The following RPL32 variants were observed in gnomAD, a reference collection of about 807,000 sequenced individuals.
The protein encoded by RPL32 is large ribosomal subunit protein eL32.
For missense variants in RPL32, 117 were observed against 173.7 expected, an observed-to-expected ratio of 0.67 and a Z score of 1.83; for synonymous variants, 61 against 62.6, an observed-to-expected ratio of 0.98 and a Z score of 0.12.
rs1164381914 is a variant in RPL32 at position 12,836,086 on chromosome 3, T to G, written c.*8A>C. 2 of 1,611,082 alleles carry G rather than the reference T, an allele frequency of 1.2e-6. No homozygotes were observed. Among genetic ancestry groups the G allele is most frequent in the South Asian group, 1.1e-5 (1 of 91,034 alleles). Reference sequence around the variant, plus strand: ...TTTATTTAAACAGAAAACGTGCACATGAGCTGCCTACTCATTTTCTTCACT... The same window carrying G: ...TTTATTTAAACAGAAAACGTGCACAGGAGCTGCCTACTCATTTTCTTCACT... On this transcript the variant is annotated 3_prime_UTR_variant, in exon 4 of 4. Transcript: ENST00000429711.
chr3:12,840,720 G>A (rs115933783), intron 1 of RPL32: 5,853 of 337,854 alleles, frequency 0.017, 190 homozygotes, highest in African/African-American at 0.088. Flanking sequence ...TAATTCCCTA[G>A]GGAGCTGCTG....
At chr3:12,838,100 C>A (rs2062113419) in intron 3 of RPL32, among the ~76,000 whole-genome samples, 1 of 152,176 alleles carries the variant, frequency 6.6e-6, no homozygotes, top group African/African-American at 2.4e-5. Context: ...CAACACAGAG[C>A]CTGTCTATCT....
chr3:12,839,551 G>A (rs764203795), intron 2 of RPL32, 21 bp from the exon 3 acceptor site: 10 of 1,612,354 alleles, frequency 6.2e-6, no homozygotes, highest in Non-Finnish European at 7.6e-6. Flanking sequence ...TAATACACAG[G>A]TGGGTTAGCG....
chr3:12,840,975 G>A (rs62240719), intron 1 of RPL32: 5,301 of 155,828 alleles, frequency 0.034, 264 homozygotes, highest in Admixed American at 0.14. Context: ...CAAGGTGGGG[G>A]CAGTTGCATC....
In RPL32 at chr3:12,839,335, G is replaced by A. The variant is rs201215862; in HGVS notation, c.278+14C>T. 5 of 1,613,224 alleles carry A rather than the reference G, an allele frequency of 3.1e-6. No homozygotes were observed. In the East Asian group the frequency reaches 1.1e-4, roughly 36 times the overall value. On this transcript the variant is annotated intron_variant, in intron 3 of 3. Coordinates refer to ENST00000429711, the MANE Select transcript of RPL32 (RefSeq NM_000994.4). ...CTTCTGATCACTGAAAACTAGAGGT[G>A]GGACCCAACTCACTTGTTGCACATC...
intron 2 of RPL32, among the ~76,000 whole-genome samples, chr3:12,839,868 G>C (rs1214632816): frequency 2.6e-5 from 4 of 152,196 alleles, no homozygotes; most frequent in Non-Finnish European, 5.9e-5. Context: ...TAGGGATCCT[G>C]CTGTCACAAG....
intron 3 of RPL32, among the ~76,000 whole-genome samples, chr3:12,837,287 CTCATT>C (rs2062107418): frequency 6.6e-6 from 1 of 151,812 alleles, no homozygotes; most frequent in Admixed American, 6.5e-5. Context: ...CTACAATTCT[CTCATT>C]ATATTTTCAG....
At chr3:12,839,701 G>A (rs1470088825) in intron 2 of RPL32, 171 bp from the exon 3 acceptor site, 7 of 708,214 alleles carry the variant, frequency 9.9e-6, no homozygotes, top group African/African-American at 1.8e-5. Flanking sequence ...CCAGGAGCTC[G>A]TGGCTTTAGC....
chr3:12,836,339 CTG>C, intron 3 of RPL32, 116 bp from the exon 4 acceptor site: 1 of 1,265,486 alleles, frequency 7.9e-7, no homozygotes, highest in Admixed American at 1.9e-5. Context: ...TGGTAAGTGG[CTG>C]TGGAATGACA....
At chr3:12,836,302 C>T in intron 3 of RPL32, 79 bp from the exon 4 acceptor site, 1 of 1,561,108 alleles carries the variant, frequency 6.4e-7, no homozygotes, top group African/African-American at 1.4e-5. Flanking sequence ...GCAATGAGTC[C>T]CAGCACCAAG....
chr3:12,835,929 T>A lies in RPL32; in HGVS notation c.*165A>T, dbSNP rs1045287563. 1 of 791,538 alleles carries A rather than the reference T, an allele frequency of 1.3e-6. No homozygotes were observed. Among genetic ancestry groups the A allele is most frequent in the Non-Finnish European group, 2.0e-6 (1 of 505,454 alleles). The allele number at this position is 791,538 out of a possible 1,614,324, so 49.0% of individuals were successfully genotyped here. Reference sequence around the variant, plus strand: ...CCCCTGTTCAAGGACTGAGTGTCCTTTACAAATCCCCTCCAAATGGGAGAT... The same window carrying A: ...CCCCTGTTCAAGGACTGAGTGTCCTATACAAATCCCCTCCAAATGGGAGAT... On this transcript the variant is annotated 3_prime_UTR_variant, in exon 4 of 4. Transcript: ENST00000429711.
intron 2 of RPL32, 133 bp downstream of exon 2, chr3:12,840,009 G>A: frequency 1.3e-6 from 1 of 768,424 alleles, no homozygotes; most frequent in Admixed American, 1.9e-5. Context: ...CACTGGGGGA[G>A]ACCTGTATTT....
chr3:12,837,287 C>T (rs1376715283), intron 3 of RPL32, among the ~76,000 whole-genome samples: 1 of 151,812 alleles, frequency 6.6e-6, no homozygotes, highest in Non-Finnish European at 1.5e-5. Flanking sequence ...CTACAATTCT[C>T]TCATTATATT....
rs563164092 is a variant in RPL32 at position 12,836,289 on chromosome 3, G to A, written c.279-66C>T. On this transcript the variant is annotated intron_variant, in intron 3 of 3. Coordinates refer to ENST00000429711, the MANE Select transcript of RPL32 (RefSeq NM_000994.4). Reference sequence around the variant, plus strand: ...AACACACTTGGAAAATTCCATTGGAGAGGCAATGAGTCCCAGCACCAAGCT... The same window carrying A: ...AACACACTTGGAAAATTCCATTGGAAAGGCAATGAGTCCCAGCACCAAGCT... 3 of 1,586,032 alleles carry A rather than the reference G, an allele frequency of 1.9e-6. No individual in the cohort carries two copies. In the African/African-American group the frequency reaches 4.0e-5, roughly 21 times the overall value.
intron 3 of RPL32, 104 bp downstream of exon 3, chr3:12,839,245 C>G (rs1314085934): frequency 2.0e-6 from 2 of 1,022,832 alleles, no homozygotes; most frequent in African/African-American, 1.6e-5. Context: ...TGTACAACAC[C>G]CCCCGCCAAA....
rs997674304 is a variant in RPL32, at chr3:12,839,296, C to A, written c.278+53G>T. The A allele has an allele frequency of 3.2e-5, 50 of 1,550,314 alleles. No homozygotes were observed. The Admixed American group carries it at 4.4e-4, about 13-fold the overall frequency. On this transcript the variant is annotated intron_variant, in intron 3 of 3. Transcript: ENST00000429711. Reference sequence around the variant, plus strand: ...TTGTAGAGTTCCTGCCAGAAGTGCTCACACAGATGCAAACTTCTGATCACT... The same window carrying A: ...TTGTAGAGTTCCTGCCAGAAGTGCTAACACAGATGCAAACTTCTGATCACT...
intron 1 of RPL32, chr3:12,841,128 T>C (rs1168814187): frequency 6.5e-6 from 1 of 152,764 alleles, no homozygotes; most frequent in Non-Finnish European, 1.5e-5. Context: ...CATGAACGAA[T>C]ACACGTGGGC....
At chr3:12,838,075 GCACT>G (rs2062113214) in intron 3 of RPL32, among the ~76,000 whole-genome samples, 1 of 152,200 alleles carries the variant, frequency 6.6e-6, no homozygotes, top group Admixed American at 6.5e-5. Flanking sequence ...AACAGCCACT[GCACT>G]GTAGCCAGGG....
intron 3 of RPL32, chr3:12,839,040 G>A (rs1293990661): frequency 7.1e-6 from 3 of 424,860 alleles, no homozygotes; most frequent in Non-Finnish European, 1.3e-5. Context: ...CAACATTTTG[G>A]AAACAACAGC....
Sources: allele counts gnomAD v4.1 joint callset (sites outside exome capture counted in the v4.1 genomes callset), GRCh38; gene constraint gnomAD v4.1.1; transcripts MANE v1.5; gene names NCBI Gene and HGNC (gene_info 2026-07-23, HGNC 2026-07-21).